PRUNE1: variants seen among roughly 807,000 people sequenced by gnomAD.
The protein encoded by PRUNE1 is prune exopolyphosphatase 1, also known as exopolyphosphatase PRUNE1.
In PRUNE1, 25 loss-of-function variants were observed where a neutral mutation model predicts 42.5. That is an observed-to-expected ratio of 0.59 (90% CI 0.43 to 0.82). The LOEUF (loss-of-function observed/expected upper bound fraction) is 0.82. Among genes scored for constraint, PRUNE1 ranks in the 40% least tolerant of loss-of-function variants. The probability of loss-of-function intolerance (pLI) is 0.00; values close to 1 mark genes in which losing one functional copy is unlikely to be tolerated. For missense variants in PRUNE1, 443 were observed against 539.3 expected, an observed-to-expected ratio of 0.82 and a Z score of 1.77; for synonymous variants, 203 against 217.1, an observed-to-expected ratio of 0.93 and a Z score of 0.57.
At chr1:151,029,565 CA>C (rs1675107621) in intron 7 of PRUNE1, among the ~76,000 whole-genome samples, 1 of 151,452 alleles carries the variant, frequency 6.6e-6, no homozygotes, top group Non-Finnish European at 1.5e-5. Context: ...GACGGGGTTT[CA>C]CCGTGTTAGC....
chr1:151,030,369 C>A (rs587622566), intron 7 of PRUNE1, among the ~76,000 whole-genome samples: 1 of 152,178 alleles, frequency 6.6e-6, no homozygotes, highest in African/African-American at 2.4e-5. Context: ...TAATCCTTTG[C>A]TCTCATAGAA....
chr1:151,027,773 T>TGCGCGC, intron 6 of PRUNE1, among the ~76,000 whole-genome samples: 1 of 139,732 alleles, frequency 7.2e-6, no homozygotes, highest in African/African-American at 3.2e-5. Context: ...TGTGTGTGTG[T>TGCGCGC]GTGTGTGTGC....
chr1:151,020,428 G>C (rs1211182446), intron 3 of PRUNE1, among the ~76,000 whole-genome samples: 2 of 150,476 alleles, frequency 1.3e-5, no homozygotes, highest in Non-Finnish European at 3.0e-5. Context: ...ACTCCAGCCT[G>C]AGTGACAGGG....
rs374992027 is a variant in PRUNE1, at chr1:151,034,076, G to C, written c.1204G>C (p.Glu402Gln). 1.8e-5 allele frequency: 29 copies of C among 1,614,058 alleles called. No homozygotes were observed. The highest frequency in any genetic ancestry group is 2.4e-5 in the Non-Finnish European group (28 of 1,180,008). Residue 402 changes from glutamate (E) to glutamine (Q), a missense_variant, in exon 8 of 8, where the codon GAG (glutamate) becomes CAG (glutamine). By Grantham distance (29) the Glu-to-Gln change is conservative (BLOSUM62 2). Coordinates refer to ENST00000271620, the MANE Select transcript of PRUNE1 (RefSeq NM_021222.3). ...NSLISGLSQD[E>Q]EDPPLPPTPM... ...CCTGATTTCTGGCCTGAGTCAAGAT[G>C]AGGAGGACCCTCCGCTGCCCCCGAC...
At chr1:151,027,190 TG>T in intron 5 of PRUNE1, 42 bp from the exon 6 acceptor site, 1 of 1,465,814 alleles carries the variant, frequency 6.8e-7, no homozygotes, top group Non-Finnish European at 9.5e-7. Flanking sequence ...CTTGGGACCC[TG>T]GCCTACCCTG....
rs1316531269 is a variant in PRUNE1 at position 151,034,596 on chromosome 1, G to A, written c.*362G>A. The A allele has an allele frequency of 4.6e-6, 1 of 215,754 alleles. No homozygotes were observed. The highest frequency in any genetic ancestry group is 2.2e-5 in the African/African-American group (1 of 44,712). The allele number at this position is 215,754 out of a possible 1,614,324, so 13.4% of individuals were successfully genotyped here. A position where few individuals can be genotyped will look rare whatever the true frequency, so the allele number is the denominator to read the frequency against. ...CTTGAACAGAACCAGTATCTGTCAT[G>A]GAACTGAACATTCATCGATGGTCTC... On this transcript the variant is annotated 3_prime_UTR_variant, in exon 8 of 8. Transcript: ENST00000271620.
chr1:151,032,564 A>G (rs1475920188), intron 7 of PRUNE1, among the ~76,000 whole-genome samples: 1 of 151,690 alleles, frequency 6.6e-6, no homozygotes, highest in Non-Finnish European at 1.5e-5. Context: ...AAATACAAAC[A>G]TTAGCCAGGC....
At chr1:151,020,756 C>T (rs1440463353) in intron 3 of PRUNE1, among the ~76,000 whole-genome samples, 8 of 151,008 alleles carry the variant, frequency 5.3e-5, no homozygotes, top group Non-Finnish European at 1.2e-4. Context: ...CTGAGGGGGG[C>T]GGATCATGAG....
intron 7 of PRUNE1, among the ~76,000 whole-genome samples, chr1:151,029,581 A>G (rs1032449594): frequency 6.6e-6 from 1 of 151,328 alleles, no homozygotes; most frequent in Admixed American, 6.6e-5. Flanking sequence ...GTTAGCCAGG[A>G]TAGTCTCGAT....
At chr1:151,025,457 T>A (rs1674768254) in intron 4 of PRUNE1, 58 bp from the exon 5 acceptor site, 1 of 1,529,904 alleles carries the variant, frequency 6.5e-7, no homozygotes, top group Non-Finnish European at 8.9e-7. Flanking sequence ...ATATATGTTC[T>A]GGTGGTTGTG....
intron 3 of PRUNE1, among the ~76,000 whole-genome samples, chr1:151,021,638 T>C (rs1272782648): frequency 6.6e-6 from 1 of 152,170 alleles, no homozygotes; most frequent in African/African-American, 2.4e-5. Flanking sequence ...CACATTGTGG[T>C]TATAGCAGGA....
chr1:151,025,712 G>A, intron 5 of PRUNE1, 39 bp downstream of exon 5: 14 of 1,567,792 alleles, frequency 8.9e-6, no homozygotes, highest in Non-Finnish European at 1.2e-5. Context: ...TCCCAGATAA[G>A]AAAACAGAAA....
At position 151,018,454 on chromosome 1, in the gene PRUNE1, C is replaced by CTTTCCT; in HGVS notation, c.133-12_133-7dup. 1.3e-6 allele frequency: 2 copies of CTTTCCT among 1,598,812 alleles called. No individual in the cohort carries two copies. Among genetic ancestry groups the CTTTCCT allele is most frequent in the African/African-American group, 2.7e-5 (2 of 74,654 alleles). On this transcript the variant is annotated splice_polypyrimidine_tract_variant and intron_variant, in intron 2 of 7. Coordinates refer to ENST00000271620, the MANE Select transcript of PRUNE1 (RefSeq NM_021222.3). Reference sequence around the variant, plus strand: ...AAAACCTTGTGATACCTTCTTTTCACTTTCCTATCTAGACAACTGAGGCTG... The same window carrying CTTTCCT: ...AAAACCTTGTGATACCTTCTTTTCACTTTCCTTTTCCTATCTAGACAACTGAGGCTG...
intron 1 of PRUNE1, among the ~76,000 whole-genome samples, chr1:151,015,325 T>C (rs1571773753): frequency 3.1e-5 from 3 of 95,668 alleles, no homozygotes; most frequent in East Asian, 3.4e-4. Flanking sequence ...AGAGTGAGAC[T>C]CCATCTGAAA....
At chr1:151,009,943 G>C (rs1370783675) in intron 1 of PRUNE1, among the ~76,000 whole-genome samples, 2 of 152,138 alleles carry the variant, frequency 1.3e-5, no homozygotes, top group Non-Finnish European at 2.9e-5. Flanking sequence ...TTACCCCCCA[G>C]TAACCCAAAT....
At chr1:151,026,744 T>C (rs1330542097) in intron 5 of PRUNE1, among the ~76,000 whole-genome samples, 1 of 152,094 alleles carries the variant, frequency 6.6e-6, no homozygotes, top group Non-Finnish European at 1.5e-5. Context: ...AAGCCTCTGT[T>C]CTGGGTTTCA....
At chr1:151,015,734 G>C (rs1250039476) in intron 1 of PRUNE1, among the ~76,000 whole-genome samples, 2 of 151,908 alleles carry the variant, frequency 1.3e-5, no homozygotes, top group Non-Finnish European at 2.9e-5. Flanking sequence ...AGTCTGGGAG[G>C]TGGAGTCTGC....
intron 7 of PRUNE1, 43 bp from the exon 8 acceptor site, chr1:151,033,763 C>A: frequency 6.4e-7 from 1 of 1,554,390 alleles, no homozygotes; most frequent in Non-Finnish European, 8.8e-7. Context: ...CACTTTGCTA[C>A]AGCAAGTTGT....
chr1:151,029,365 GTTT>G (rs34073279), intron 7 of PRUNE1, among the ~76,000 whole-genome samples: 9 of 85,812 alleles, frequency 1.0e-4, no homozygotes, highest in Non-Finnish European at 9.6e-5. Context: ...AAGCTGGAAA[GTTT>G]TTTTTTTTTT....
Sources: allele counts gnomAD v4.1 joint callset (sites outside exome capture counted in the v4.1 genomes callset), GRCh38; gene constraint gnomAD v4.1.1; transcripts MANE v1.5; gene names NCBI Gene and HGNC (gene_info 2026-07-23, HGNC 2026-07-21).